Variants in DIP2B observed in about 807,000 individuals in gnomAD.
The protein encoded by DIP2B is DIP2 acetate--CoA ligase B (putative).
Under a neutral mutation model 198.0 loss-of-function variants are expected in DIP2B, and 76 were observed. That is an observed-to-expected ratio of 0.38 (90% CI 0.32 to 0.46). The LOEUF is 0.46. DIP2B is among the 20% of genes least tolerant of loss of function. DIP2B has a pLI of 0.99. For missense variants in DIP2B, 1,559 were observed against 1,978.4 expected, an observed-to-expected ratio of 0.79 and a Z score of 4.02; for synonymous variants, 701 against 739.1, an observed-to-expected ratio of 0.95 and a Z score of 0.84.
In DIP2B at chr12:50,705,310, AGATCT is replaced by A. The variant is rs370862901; in HGVS notation, c.2406+1091_2406+1095del. 4.6e-3 allele frequency among the ~76,000 whole-genome samples: 697 copies of A among 152,282 alleles called. 8 individuals are homozygous for A. The highest frequency in any genetic ancestry group is 0.016 in the African/African-American group (658 of 41,556). On this transcript the variant is annotated intron_variant, in intron 20 of 37. Coordinates refer to ENST00000301180, the MANE Select transcript of DIP2B (RefSeq NM_173602.3). ...GGAGGGGCAGGGTGGGTGAGGACAT[AGATCT>A]AGGAGAATCAACTCTCTACACCTTT...
chr12:50,606,290 T>C (rs1321697816), intron 1 of DIP2B, among the ~76,000 whole-genome samples: 4 of 152,002 alleles, frequency 2.6e-5, no homozygotes, highest in African/African-American at 7.3e-5. Flanking sequence ...CTGGCTAGTG[T>C]TTTTAGTTTT....
At chr12:50,671,482 G>A in intron 5 of DIP2B, 84 bp downstream of exon 5, 1 of 1,401,534 alleles carries the variant, frequency 7.1e-7, no homozygotes, top group South Asian at 1.3e-5. Context: ...GTTTGTGTTA[G>A]GTTTTTCAGT....
At chr12:50,546,686 G>A (rs1419669310) in intron 1 of DIP2B, among the ~76,000 whole-genome samples, 2 of 152,176 alleles carry the variant, frequency 1.3e-5, no homozygotes, top group African/African-American at 2.4e-5. Context: ...ATAGATAATA[G>A]GTGCCCAGTA....
intron 1 of DIP2B, among the ~76,000 whole-genome samples, chr12:50,552,926 C>T (rs980599625): frequency 2.0e-5 from 3 of 152,102 alleles, no homozygotes; most frequent in African/African-American, 7.2e-5. Flanking sequence ...ACGTCTGCCT[C>T]CCAGGTTCAA....
chr12:50,684,369 A>C (rs1010397652), intron 10 of DIP2B, among the ~76,000 whole-genome samples: 3 of 152,218 alleles, frequency 2.0e-5, no homozygotes, highest in African/African-American at 4.8e-5. Context: ...AACTAAAATG[A>C]AGCATATGTA....
At chr12:50,555,057 C>T (rs940158644) in intron 1 of DIP2B, among the ~76,000 whole-genome samples, 90 of 152,196 alleles carry the variant, frequency 5.9e-4, no homozygotes, top group African/African-American at 1.9e-3. Flanking sequence ...CGTGAGCCAC[C>T]GCGCCTGGCT....
intron 36 of DIP2B, 91 bp from the exon 37 acceptor site, chr12:50,741,325 C>T (rs1940238299): frequency 1.3e-6 from 2 of 1,484,776 alleles, no homozygotes; most frequent in South Asian, 1.3e-5. Context: ...AGCCAGGTGA[C>T]AGGCAGTCTG....
intron 36 of DIP2B, among the ~76,000 whole-genome samples, chr12:50,740,620 C>G (rs1940225226): frequency 6.6e-6 from 1 of 152,214 alleles, no homozygotes; most frequent in African/African-American, 2.4e-5. Context: ...CCTTTTCACT[C>G]CAACAGCTTC....
At chr12:50,560,435 G>A (rs1414040032) in intron 1 of DIP2B, among the ~76,000 whole-genome samples, 1 of 151,972 alleles carries the variant, frequency 6.6e-6, no homozygotes, top group Non-Finnish European at 1.5e-5. Context: ...GGGCGTGGTG[G>A]CATGTACCTG....
intron 3 of DIP2B, among the ~76,000 whole-genome samples, chr12:50,649,548 C>T (rs958149001): frequency 6.6e-5 from 10 of 152,150 alleles, no homozygotes; most frequent in African/African-American, 2.2e-4. Flanking sequence ...CCATATCTCA[C>T]ACCATGTATA....
At chr12:50,512,359 G>A (rs1958026116) in intron 1 of DIP2B, among the ~76,000 whole-genome samples, 1 of 151,578 alleles carries the variant, frequency 6.6e-6, no homozygotes. Flanking sequence ...TGCCCGCATC[G>A]GCCTCCCAGA....
intron 1 of DIP2B, among the ~76,000 whole-genome samples, chr12:50,544,646 C>T (rs1412227258): frequency 1.2e-4 from 16 of 131,074 alleles, no homozygotes; most frequent in Admixed American, 7.5e-4. Context: ...TTTTTTGAGA[C>T]GGAGTCTGTC....
intron 2 of DIP2B, among the ~76,000 whole-genome samples, chr12:50,636,391 TG>T (rs761938478): frequency 6.6e-6 from 1 of 152,190 alleles, no homozygotes; most frequent in Non-Finnish European, 1.5e-5. Context: ...TTCATTTGTT[TG>T]GTTTGGATGG....
chr12:50,505,659 C>A (rs1051203978), intron 1 of DIP2B, among the ~76,000 whole-genome samples: 1 of 152,120 alleles, frequency 6.6e-6, no homozygotes, highest in African/African-American at 2.4e-5. Flanking sequence ...TTCCAGCCCC[C>A]CCTTCCCCCT....
intron 1 of DIP2B, among the ~76,000 whole-genome samples, chr12:50,576,636 G>C (rs1467976236): frequency 6.6e-6 from 1 of 151,126 alleles, no homozygotes; most frequent in Non-Finnish European, 1.5e-5. Flanking sequence ...CCGTCACCAC[G>C]CCTGGCTAAT....
Position 50,658,213 on chromosome 12 carries a change from T to G in DIP2B, c.302-1981T>G, listed in dbSNP as rs527680378. On this transcript the variant is annotated intron_variant, in intron 3 of 37. Transcript: ENST00000301180. ...GTACAATGGTGTGATCTCGGCTCAC[T>G]GCAACCTCCGCCTGCTGGGTTCAAG... 2.6e-5 allele frequency among the ~76,000 whole-genome samples: 4 copies of G among 151,732 alleles called. No homozygotes were observed. The East Asian group carries it at 7.8e-4, about 30-fold the overall frequency.
intron 1 of DIP2B, among the ~76,000 whole-genome samples, chr12:50,589,249 T>C (rs930392842): frequency 3.3e-5 from 5 of 151,146 alleles, no homozygotes; most frequent in Non-Finnish European, 7.4e-5. Flanking sequence ...TTTTTTTTTT[T>C]TTTGAGATGG....
At chr12:50,652,064 C>A (rs373710196) in intron 3 of DIP2B, among the ~76,000 whole-genome samples, 4 of 151,998 alleles carry the variant, frequency 2.6e-5, no homozygotes, top group East Asian at 1.9e-4. Flanking sequence ...CCTGTAATCC[C>A]GGCTGTTTGG....
intron 1 of DIP2B, among the ~76,000 whole-genome samples, chr12:50,520,871 C>T (rs1422556388): frequency 6.6e-6 from 1 of 152,024 alleles, no homozygotes; most frequent in Non-Finnish European, 1.5e-5. Context: ...ATCTGACACT[C>T]TTCTATTACA....
Sources: gnomAD v4.1 joint callset for allele counts (sites outside exome capture counted in the v4.1 genomes callset) on GRCh38, gnomAD v4.1.1 for gene constraint, MANE v1.5 for transcripts, NCBI Gene and HGNC (gene_info 2026-07-23, HGNC 2026-07-21) for gene names.